SYNPR: variants seen among roughly 807,000 people sequenced by gnomAD.
The protein encoded by SYNPR is synaptoporin.
Under a neutral mutation model 32.9 loss-of-function variants are expected in SYNPR, and 23 were observed. That is an observed-to-expected ratio of 0.70 (90% CI 0.50 to 0.99). SYNPR has a LOEUF of 0.99. Among genes scored for constraint, SYNPR ranks in the 50% least tolerant of loss-of-function variants. SYNPR has a pLI of 0.00. For synonymous variants in SYNPR, 146 were observed against 135.9 expected (o/e 1.07, Z -0.52); for missense variants, 318 against 349.3 (o/e 0.91, Z 0.71).
chr3:63,300,379 G>A (rs2086832318), intron 2 of SYNPR, among the ~76,000 whole-genome samples: 1 of 141,070 alleles, frequency 7.1e-6, no homozygotes, highest in African/African-American at 2.6e-5. Flanking sequence ...TCCTAGGGTA[G>A]TGCCACATAC....
intron 2 of SYNPR, among the ~76,000 whole-genome samples, chr3:63,290,187 C>G (rs1295891115): frequency 3.3e-5 from 5 of 152,086 alleles, no homozygotes; most frequent in Admixed American, 2.0e-4. Flanking sequence ...AGAGATCCCA[C>G]TACTTGCCTA....
chr3:63,373,936 T>C (rs1164358047), intron 2 of SYNPR, among the ~76,000 whole-genome samples: 1 of 152,166 alleles, frequency 6.6e-6, no homozygotes, highest in Admixed American at 6.5e-5. Flanking sequence ...TCAGAATTGA[T>C]AAAGAGAGAA....
intron 4 of SYNPR, among the ~76,000 whole-genome samples, chr3:63,562,132 G>T (rs1385057238): frequency 6.6e-6 from 1 of 152,080 alleles, no homozygotes; most frequent in Non-Finnish European, 1.5e-5. Flanking sequence ...GTCATATCAG[G>T]TTATATCATT....
intron 4 of SYNPR, among the ~76,000 whole-genome samples, chr3:63,595,761 A>G (rs1181839133): frequency 3.8e-5 from 2 of 52,126 alleles, no homozygotes; most frequent in South Asian, 1.2e-3. Flanking sequence ...ATATATATAT[A>G]TATATATAAT....
intron 2 of SYNPR, among the ~76,000 whole-genome samples, chr3:63,316,368 CTTTT>C (rs921610430): frequency 1.3e-5 from 2 of 151,524 alleles, no homozygotes; most frequent in African/African-American, 4.8e-5. Context: ...TGGTCCTGGA[CTTTT>C]TTTTGTTTGT....
chr3:63,607,474 G>C (rs1700141048), intron 4 of SYNPR, among the ~76,000 whole-genome samples: 1 of 152,056 alleles, frequency 6.6e-6, no homozygotes, highest in African/African-American at 2.4e-5. Flanking sequence ...GTATTTGTTT[G>C]CTTGTTTATA....
chr3:63,260,412 C>T (rs189845627), intron 2 of SYNPR, among the ~76,000 whole-genome samples: 98 of 152,174 alleles, frequency 6.4e-4, no homozygotes, highest in Non-Finnish European at 9.7e-4. Flanking sequence ...CCAGAAATAA[C>T]GCCACATATC....
chr3:63,326,338 C>CT (rs5849548), intron 2 of SYNPR, among the ~76,000 whole-genome samples: 115,565 of 151,814 alleles, frequency 0.76, 44,793 homozygotes, highest in Non-Finnish European at 0.83. Context: ...TGAAGCTGGC[C>CT]ACAGGACCTC....
At chr3:63,378,752 A>G (rs2087927420) in intron 2 of SYNPR, among the ~76,000 whole-genome samples, 1 of 151,936 alleles carries the variant, frequency 6.6e-6, no homozygotes, top group South Asian at 2.1e-4. Context: ...TTAGTAATAT[A>G]TGCCACCTCT....
intron 2 of SYNPR, among the ~76,000 whole-genome samples, chr3:63,311,488 C>T (rs187381739): frequency 1.7e-3 from 254 of 152,124 alleles, no homozygotes; most frequent in Non-Finnish European, 1.7e-3. Flanking sequence ...CTATTGTGAA[C>T]TGTGCAAGTG....
intron 3 of SYNPR, among the ~76,000 whole-genome samples, chr3:63,552,757 A>G (rs1263812530): frequency 3.3e-5 from 5 of 152,198 alleles, no homozygotes; most frequent in African/African-American, 9.7e-5. Context: ...AAACAAGTCA[A>G]TGTAGAAGTT....
intron 2 of SYNPR, among the ~76,000 whole-genome samples, chr3:63,444,024 A>G (rs1456408072): frequency 2.0e-5 from 3 of 152,234 alleles, no homozygotes; most frequent in Non-Finnish European, 4.4e-5. Context: ...TGAATTTAGA[A>G]AAAGTATTCA....
chr3:63,519,056 A>G (rs564891890), intron 3 of SYNPR, among the ~76,000 whole-genome samples: 1 of 152,300 alleles, frequency 6.6e-6, no homozygotes, highest in South Asian at 2.1e-4. Flanking sequence ...TATGTGATGT[A>G]TCACATTTAT....
Position 63,542,297 on chromosome 3 carries a change from C to T in SYNPR, c.210-14246C>T, listed in dbSNP as rs77831293. 4.2e-4 allele frequency among the ~76,000 whole-genome samples: 64 copies of T among 152,182 alleles called. No homozygotes were observed. The East Asian group carries it at 9.5e-3, about 23-fold the overall frequency. On this transcript the variant is annotated intron_variant, in intron 3 of 5. Transcript: ENST00000478300. Reference sequence around the variant, plus strand: ...TCAGATCTACTTCTGAGTTTCAAACCTGAAAAGCAAGAAACTGTTCAGAAA... The same window carrying T: ...TCAGATCTACTTCTGAGTTTCAAACTTGAAAAGCAAGAAACTGTTCAGAAA...
At chr3:63,419,733 C>T (rs2088583216) in intron 2 of SYNPR, among the ~76,000 whole-genome samples, 1 of 152,156 alleles carries the variant, frequency 6.6e-6, no homozygotes, top group South Asian at 2.1e-4. Context: ...CTATTGATAT[C>T]TTAAGCACAG....
At chr3:63,336,536 A>ACTCT (rs2087297740) in intron 2 of SYNPR, among the ~76,000 whole-genome samples, 1 of 32,100 alleles carries the variant, frequency 3.1e-5, no homozygotes. Flanking sequence ...AAAAAAAAAA[A>ACTCT]AAAAAAAAAA....
At chr3:63,357,631 G>A (rs989612379) in intron 2 of SYNPR, among the ~76,000 whole-genome samples, 4 of 152,302 alleles carry the variant, frequency 2.6e-5, no homozygotes, top group Non-Finnish European at 5.9e-5. Flanking sequence ...GTTCAGGGGA[G>A]AGGGAGGTAG....
chr3:63,458,949 G>A (rs984974209), intron 2 of SYNPR, among the ~76,000 whole-genome samples: 1 of 151,868 alleles, frequency 6.6e-6, no homozygotes, highest in South Asian at 2.1e-4. Context: ...TTTCTTTATA[G>A]CCAAAACCAC....
At chr3:63,556,768 T>A in intron 4 of SYNPR, 27 bp downstream of exon 4, 3 of 1,572,502 alleles carry the variant, frequency 1.9e-6, no homozygotes, top group Non-Finnish European at 2.6e-6. Context: ...TTCAAATAAC[T>A]TTTTCTGTTC....
Sources: gnomAD v4.1 joint callset for allele counts (sites outside exome capture counted in the v4.1 genomes callset) on GRCh38, gnomAD v4.1.1 for gene constraint, MANE v1.5 for transcripts, NCBI Gene and HGNC (gene_info 2026-07-23, HGNC 2026-07-21) for gene names.